Variants in C10orf67 observed in about 807,000 individuals in gnomAD.
C10orf67 encodes the protein chromosome 10 open reading frame 67.
A neutral mutation model predicts 35.6 loss-of-function variants in C10orf67; 60 were observed. The ratio of observed to expected loss-of-function variants is 1.68; its 90% CI spans 1.37 to 2.09. The LOEUF (loss-of-function observed/expected upper bound fraction) is 2.09, where lower values mean the gene tolerates loss of function less well. Ranked by LOEUF, C10orf67 falls within the 30% of genes most tolerant of loss-of-function variation. The pLI is 0.00. For missense variants in C10orf67, 474 were observed against 330.2 expected, an observed-to-expected ratio of 1.44 and a Z score of -3.38; for synonymous variants, 167 against 115.8, an observed-to-expected ratio of 1.44 and a Z score of -2.84.
chr10:23,300,126 T>TCGATCATCC (rs1405845479), intron 5 of C10orf67, among the ~76,000 whole-genome samples: 3 of 152,150 alleles, frequency 2.0e-5, no homozygotes, highest in Non-Finnish European at 4.4e-5. Flanking sequence ...GTCCTGCTGC[T>TCGATCATCC]CGATCATCCG....
chr10:23,324,900 T>C (rs535517304), intron 2 of C10orf67, among the ~76,000 whole-genome samples: 45 of 152,288 alleles, frequency 3.0e-4, no homozygotes, highest in African/African-American at 1.1e-3. Flanking sequence ...CTGGGAAGAA[T>C]TTCATTTTAG....
At chr10:23,235,012 C>CAAAAAAAAAAAAAAAAAAAAGAAAAA in intron 13 of C10orf67, among the ~76,000 whole-genome samples, 1 of 76,050 alleles carries the variant, frequency 1.3e-5, no homozygotes, top group Non-Finnish European at 2.6e-5. Context: ...AATTCCATCT[C>CAAAAAAAAAAAAAAAAAAAAGAAAAA]AAAAAAAAAA....
chr10:23,281,521 C>T, intron 8 of C10orf67, among the ~76,000 whole-genome samples: 1 of 150,984 alleles, frequency 6.6e-6, no homozygotes, highest in Non-Finnish European at 1.5e-5. Flanking sequence ...TGTGGCGGGG[C>T]TGGGGGCTGG....
chr10:23,236,252 GGAAAAAAAAA>G (rs1842047285), intron 13 of C10orf67, among the ~76,000 whole-genome samples: 2 of 81,550 alleles, frequency 2.5e-5, no homozygotes, highest in African/African-American at 1.0e-4. Flanking sequence ...CCCTCTCGGG[GGAAAAAAAAA>G]AAAAAAAAAA....
intron 4 of C10orf67, among the ~76,000 whole-genome samples, chr10:23,312,624 G>T (rs1235797933): frequency 2.0e-5 from 3 of 151,532 alleles, no homozygotes. Flanking sequence ...ATACATAAAT[G>T]TATCTACACA....
chr10:23,315,891 T>A (rs1304383275), intron 4 of C10orf67, among the ~76,000 whole-genome samples: 1 of 152,090 alleles, frequency 6.6e-6, no homozygotes, highest in Non-Finnish European at 1.5e-5. Context: ...CAATCATGGC[T>A]CACTGTAACG....
intron 15 of C10orf67, among the ~76,000 whole-genome samples, chr10:23,221,382 G>A (rs1243338267): frequency 3.9e-5 from 6 of 152,130 alleles, no homozygotes; most frequent in Non-Finnish European, 1.5e-5. Context: ...TGAGATTTGG[G>A]TGGGGACACA....
intron 1 of C10orf67, among the ~76,000 whole-genome samples, chr10:23,339,840 T>C (rs1029869589): frequency 2.0e-5 from 3 of 152,174 alleles, no homozygotes; most frequent in Non-Finnish European, 4.4e-5. Context: ...GGTTTCTGCC[T>C]CCTGTCTGGA....
Position 23,217,795 on chromosome 10 carries a change from T to C in C10orf67, c.1570+5803A>G, listed in dbSNP as rs1841471339. On this transcript the variant is annotated intron_variant, in intron 15 of 15. Transcript: ENST00000636213. The stretch of plus-strand genomic sequence containing the variant: ...TGTCTATGGATGCTTAAAAACATAT[T>C]AGACTGAAATAAGACAGTCCATCAA... 5.3e-5 allele frequency among the ~76,000 whole-genome samples: 8 copies of C among 152,310 alleles called. 1 individual carries two copies. The South Asian group carries it at 1.7e-3, about 32-fold the overall frequency.
At chr10:23,222,116 T>C (rs1841599189) in intron 15 of C10orf67, among the ~76,000 whole-genome samples, 1 of 152,248 alleles carries the variant, frequency 6.6e-6, no homozygotes, top group South Asian at 2.1e-4. Context: ...AGTGAGCTAA[T>C]AGATTTTAGG....
intron 2 of C10orf67, among the ~76,000 whole-genome samples, chr10:23,327,489 A>G (rs543616412): frequency 6.6e-6 from 1 of 152,320 alleles, no homozygotes; most frequent in Non-Finnish European, 1.5e-5. Context: ...AAGCCTTCAT[A>G]TAGAAAAAAT....
chr10:23,328,277 G>C (rs1473112681), intron 2 of C10orf67, among the ~76,000 whole-genome samples: 2 of 152,164 alleles, frequency 1.3e-5, no homozygotes, highest in Non-Finnish European at 2.9e-5. Context: ...GGGCGGCAAT[G>C]TGCATAGCTA....
chr10:23,255,698 C>T (rs1403473973), intron 10 of C10orf67, among the ~76,000 whole-genome samples: 1 of 151,012 alleles, frequency 6.6e-6, no homozygotes, highest in Non-Finnish European at 1.5e-5. Flanking sequence ...TTGTTTATAA[C>T]CGAAAAAAAA....
At position 23,251,103 on chromosome 10, in the gene C10orf67, AT is replaced by A. The variant is rs940207400; in HGVS notation, c.1201-413del. 1.8e-3 allele frequency among the ~76,000 whole-genome samples: 274 copies of A among 151,722 alleles called. 3 individuals carry two copies. The highest frequency in any genetic ancestry group is 2.8e-3 in the Admixed American group (43 of 15,194). On this transcript the variant is annotated intron_variant, in intron 10 of 15. Coordinates refer to ENST00000636213, the MANE Select transcript of C10orf67 (RefSeq NM_001371909.1). Reference sequence around the variant, plus strand: ...CAGAACGAGACCCTGTCTCAAAAAAATTTTTTTTTCGAGAGAACAATGAGTT... The same window carrying A: ...CAGAACGAGACCCTGTCTCAAAAAAATTTTTTTTCGAGAGAACAATGAGTT...
chr10:23,235,123 G>A (rs1346701745), intron 13 of C10orf67, among the ~76,000 whole-genome samples: 1 of 151,698 alleles, frequency 6.6e-6, no homozygotes. Flanking sequence ...GTGCGATATT[G>A]GCAAAAGGAC....
At chr10:23,261,950 G>A (rs1842760895) in intron 10 of C10orf67, among the ~76,000 whole-genome samples, 2 of 152,160 alleles carry the variant, frequency 1.3e-5, no homozygotes, top group Non-Finnish European at 2.9e-5. Flanking sequence ...CAAAATTGAT[G>A]TGTTATAACT....
intron 8 of C10orf67, among the ~76,000 whole-genome samples, chr10:23,276,399 T>C (rs975032815): frequency 6.6e-6 from 1 of 152,140 alleles, no homozygotes; most frequent in Admixed American, 6.5e-5. Context: ...TAGCTCAGCT[T>C]TGGGTGCTCT....
chr10:23,336,521 A>G (rs1450486641), intron 1 of C10orf67, among the ~76,000 whole-genome samples: 2 of 152,020 alleles, frequency 1.3e-5, no homozygotes, highest in East Asian at 1.9e-4. Flanking sequence ...TTTTTGTTTC[A>G]GTATATTTTT....
intron 7 of C10orf67, among the ~76,000 whole-genome samples, chr10:23,286,850 G>C (rs1342296595): frequency 2.0e-5 from 3 of 152,132 alleles, no homozygotes; most frequent in African/African-American, 7.2e-5. Flanking sequence ...AAATCTGTGA[G>C]GGATTCAGTT....
Sources: allele counts gnomAD v4.1 joint callset (sites outside exome capture counted in the v4.1 genomes callset), GRCh38; gene constraint gnomAD v4.1.1; transcripts MANE v1.5; gene names NCBI Gene and HGNC (gene_info 2026-07-23, HGNC 2026-07-21).